PTPRD: variants seen among roughly 807,000 people sequenced by gnomAD.
PTPRD encodes the protein receptor-type tyrosine-protein phosphatase delta.
A neutral mutation model predicts 214.5 loss-of-function variants in PTPRD; 34 were observed. That is an observed-to-expected ratio of 0.16 (90% confidence interval 0.12 to 0.21). The LOEUF (loss-of-function observed/expected upper bound fraction) is 0.21. PTPRD is among the 10% of genes least tolerant of loss of function. The pLI, the probability that PTPRD is intolerant of heterozygous loss-of-function variation, is 1.00. For missense variants in PTPRD, 2,545 were observed against 2,398.7 expected (o/e 1.06, Z -1.27); for synonymous variants, 1,128 against 845.7 (o/e 1.33, Z -5.79).
chr9:10,251,516 T>C (rs1424346226), intron 3 of PTPRD, among the ~76,000 whole-genome samples: 2 of 152,190 alleles, frequency 1.3e-5, no homozygotes, highest in Non-Finnish European at 2.9e-5. Flanking sequence ...AGCTCTGTTT[T>C]CTAATCTTCA....
intron 42 of PTPRD, 26 bp downstream of exon 42, chr9:8,340,317 G>GAGAC (rs764172879): frequency 3.2e-6 from 5 of 1,571,716 alleles, no homozygotes; most frequent in Non-Finnish European, 4.4e-6. Context: ...GTCTTATGAG[G>GAGAC]AGACACACAA....
intron 2 of PTPRD, among the ~76,000 whole-genome samples, chr9:10,461,679 G>C (rs1043781020): frequency 1.3e-5 from 2 of 150,000 alleles, no homozygotes; most frequent in Non-Finnish European, 3.0e-5. Context: ...CTGGAGTGCA[G>C]TGGCACGATA....
intron 9 of PTPRD, among the ~76,000 whole-genome samples, chr9:9,272,298 G>A (rs932517854): frequency 2.7e-5 from 4 of 150,822 alleles, no homozygotes; most frequent in Admixed American, 6.6e-5. Flanking sequence ...TTTAAATGTC[G>A]GAATTAGACT....
chr9:9,615,313 G>C (rs1045076426), intron 7 of PTPRD, among the ~76,000 whole-genome samples: 14 of 152,004 alleles, frequency 9.2e-5, no homozygotes, highest in Non-Finnish European at 1.6e-4. Context: ...ACTTCACACC[G>C]GCCACCAGGC....
intron 7 of PTPRD, among the ~76,000 whole-genome samples, chr9:9,668,444 G>A (rs2096764965): frequency 6.6e-6 from 1 of 152,122 alleles, no homozygotes; most frequent in Admixed American, 6.6e-5. Context: ...AGAATATATT[G>A]TATTAATCCT....
chr9:9,951,853 G>T (rs930037957), intron 4 of PTPRD, among the ~76,000 whole-genome samples: 2 of 152,176 alleles, frequency 1.3e-5, no homozygotes, highest in Non-Finnish European at 2.9e-5. Context: ...GGACTAAGGT[G>T]GCGGAGCAAT....
At chr9:10,082,443 T>G (rs904984396) in intron 3 of PTPRD, among the ~76,000 whole-genome samples, 2 of 152,014 alleles carry the variant, frequency 1.3e-5, no homozygotes, top group African/African-American at 4.8e-5. Context: ...CTGTAGGATG[T>G]GGATGTACTG....
chr9:9,743,404 T>A (rs1251085964), intron 6 of PTPRD, among the ~76,000 whole-genome samples: 1 of 152,130 alleles, frequency 6.6e-6, no homozygotes, highest in Non-Finnish European at 1.5e-5. Context: ...TCTTAATGCC[T>A]AGATCTAATT....
chr9:9,701,114 G>C (rs749997856), intron 7 of PTPRD, among the ~76,000 whole-genome samples: 15 of 152,076 alleles, frequency 9.9e-5, no homozygotes, highest in Non-Finnish European at 2.2e-4. Flanking sequence ...ATGGAGAGCA[G>C]CTCATACACA....
intron 11 of PTPRD, among the ~76,000 whole-genome samples, chr9:8,955,179 T>C (rs2099124571): frequency 6.6e-6 from 1 of 151,938 alleles, no homozygotes; most frequent in Non-Finnish European, 1.5e-5. Context: ...TAGGAAAATG[T>C]AGGCCAGCTG....
chr9:8,795,482 A>G (rs1461544221), intron 11 of PTPRD, among the ~76,000 whole-genome samples: 2 of 152,210 alleles, frequency 1.3e-5, no homozygotes, highest in African/African-American at 2.4e-5. Context: ...AAAAAATTAA[A>G]TAGCCTACTT....
At chr9:9,388,557 G>A (rs10116551) in intron 9 of PTPRD, among the ~76,000 whole-genome samples, 40,361 of 151,978 alleles carry the variant, frequency 0.27, 5,505 homozygotes, top group Middle Eastern at 0.32. Flanking sequence ...GTCAGGTACT[G>A]AAGAGAAAGC....
At chr9:8,637,629 T>C (rs1224796764) in intron 12 of PTPRD, among the ~76,000 whole-genome samples, 1 of 152,252 alleles carries the variant, frequency 6.6e-6, no homozygotes, top group East Asian at 1.9e-4. Context: ...TTATTTTTCA[T>C]CTTGTATTTC....
intron 37 of PTPRD, among the ~76,000 whole-genome samples, chr9:8,388,982 CTTTTTTTT>C (rs34248103): frequency 2.3e-5 from 3 of 130,054 alleles, no homozygotes; most frequent in Non-Finnish European, 4.9e-5. Flanking sequence ...GTGAATATTC[CTTTTTTTT>C]TTTTTTTTTT....
intron 8 of PTPRD, among the ~76,000 whole-genome samples, chr9:9,537,507 C>A (rs1055421096): frequency 6.6e-6 from 1 of 151,972 alleles, no homozygotes; most frequent in African/African-American, 2.4e-5. Context: ...CTCTTAAAAC[C>A]AGTTCAGGAC....
At chr9:8,586,900 C>T (rs2093698686) in intron 14 of PTPRD, among the ~76,000 whole-genome samples, 1 of 152,192 alleles carries the variant, frequency 6.6e-6, no homozygotes, top group Non-Finnish European at 1.5e-5. Context: ...GTAATCCCAG[C>T]ACTTTGGGAG....
At chr9:9,444,744 T>G (rs10977755) in intron 8 of PTPRD, among the ~76,000 whole-genome samples, 22,878 of 152,118 alleles carry the variant, frequency 0.15, 1,806 homozygotes, top group Middle Eastern at 0.29. Flanking sequence ...AATATATGCT[T>G]TTAGAAATGG....
chr9:10,612,033 C>G (rs2081134644), intron 2 of PTPRD, among the ~76,000 whole-genome samples: 2 of 150,920 alleles, frequency 1.3e-5, no homozygotes, highest in South Asian at 4.2e-4. Flanking sequence ...GAGAAGTGAG[C>G]CAGTAGGGTT....
At chr9:9,801,337 TA>T (rs35160371) in intron 5 of PTPRD, among the ~76,000 whole-genome samples, 95,607 of 149,106 alleles carry the variant, frequency 0.64, 32,216 homozygotes, top group East Asian at 0.87. Context: ...TAAAGAGGAT[TA>T]AAAAAAAAAA....
Sources: allele counts gnomAD v4.1 joint callset (sites outside exome capture counted in the v4.1 genomes callset), GRCh38; gene constraint gnomAD v4.1.1; transcripts MANE v1.5; gene names NCBI Gene and HGNC (gene_info 2026-07-23, HGNC 2026-07-21).